The following TSPAN9 variants were observed in gnomAD, a reference collection of about 807,000 sequenced individuals.
TSPAN9 encodes tetraspanin-9.
TSPAN9 carries 16 observed loss-of-function variants against 31.0 expected under a neutral mutation model. The observed-to-expected ratio is 0.52, with a 90% CI of 0.35 to 0.78. TSPAN9 has a LOEUF of 0.78. Ranked by LOEUF, TSPAN9 falls within the 30% of genes least tolerant of loss-of-function variation. The pLI, the probability that TSPAN9 is intolerant of heterozygous loss-of-function variation, is 0.01. For synonymous variants in TSPAN9, 145 were observed against 121.6 expected (o/e 1.19, Z -1.27); for missense variants, 272 against 312.5 (o/e 0.87, Z 0.98).
intron 3 of TSPAN9, among the ~76,000 whole-genome samples, chr12:3,211,364 C>A (rs1233883520): frequency 2.6e-5 from 4 of 152,170 alleles, no homozygotes; most frequent in Non-Finnish European, 4.4e-5. Context: ...GTCTTCATTA[C>A]TACAACTTTA....
At chr12:3,150,130 G>T (rs1436258154) in intron 2 of TSPAN9, among the ~76,000 whole-genome samples, 5 of 152,242 alleles carry the variant, frequency 3.3e-5, no homozygotes, top group African/African-American at 1.2e-4. Flanking sequence ...AGCATGAAAG[G>T]TGAGGTGTGG....
At chr12:3,095,643 C>T (rs1319323327) in intron 2 of TSPAN9, among the ~76,000 whole-genome samples, 1 of 144,390 alleles carries the variant, frequency 6.9e-6, no homozygotes, top group Non-Finnish European at 1.5e-5. Context: ...CCCCCCCCAC[C>T]TCCCTCCCGG....
chr12:3,089,446 G>A (rs895272955), intron 2 of TSPAN9, among the ~76,000 whole-genome samples: 1 of 150,708 alleles, frequency 6.6e-6, no homozygotes, highest in Non-Finnish European at 1.5e-5. Flanking sequence ...ACAGGCATGT[G>A]CCACCACGCC....
chr12:3,247,261 G>T (rs930499340), intron 3 of TSPAN9, among the ~76,000 whole-genome samples: 2 of 151,168 alleles, frequency 1.3e-5, no homozygotes, highest in South Asian at 2.1e-4. Context: ...GAGGAGCTGC[G>T]GTGACAGCTG....
At chr12:3,101,445 C>G (rs1340841541) in intron 2 of TSPAN9, among the ~76,000 whole-genome samples, 3 of 152,114 alleles carry the variant, frequency 2.0e-5, no homozygotes, top group African/African-American at 7.2e-5. Flanking sequence ...TGAGATATCT[C>G]TTAGATGCCA....
intron 3 of TSPAN9, among the ~76,000 whole-genome samples, chr12:3,244,810 C>T (rs1289292840): frequency 6.6e-6 from 1 of 152,136 alleles, no homozygotes; most frequent in African/African-American, 2.4e-5. Flanking sequence ...CTGCCCCAGC[C>T]AGGTTCGGTG....
chr12:3,223,213 T>G (rs1292860088), intron 3 of TSPAN9, among the ~76,000 whole-genome samples: 1 of 152,214 alleles, frequency 6.6e-6, no homozygotes, highest in Non-Finnish European at 1.5e-5. Context: ...TTGGATGACA[T>G]TAACATGAGA....
At chr12:3,194,117 C>T (rs2098365925) in intron 2 of TSPAN9, among the ~76,000 whole-genome samples, 1 of 152,194 alleles carries the variant, frequency 6.6e-6, no homozygotes, top group Non-Finnish European at 1.5e-5. Flanking sequence ...CTGCCTTTCC[C>T]CTCCGTCCTC....
chr12:3,080,628 G>C (rs545967592), intron 1 of TSPAN9, among the ~76,000 whole-genome samples: 1 of 152,254 alleles, frequency 6.6e-6, no homozygotes, highest in East Asian at 1.9e-4. Context: ...GAGCCACCGC[G>C]CCTGGCAAAT....
At chr12:3,145,190 GCCCTC>G (rs1444663489) in intron 2 of TSPAN9, among the ~76,000 whole-genome samples, 1 of 152,162 alleles carries the variant, frequency 6.6e-6, no homozygotes, top group African/African-American at 2.4e-5. Flanking sequence ...GGACCGTGAG[GCCCTC>G]CGGTCAGGAC....
At chr12:3,243,966 G>A (rs150983334) in intron 3 of TSPAN9, among the ~76,000 whole-genome samples, 266 of 152,300 alleles carry the variant, frequency 1.7e-3, no homozygotes, top group Middle Eastern at 3.4e-3. Flanking sequence ...GGGCTTACCC[G>A]CAGGGTCTTG....
intron 2 of TSPAN9, among the ~76,000 whole-genome samples, chr12:3,175,781 A>G (rs930639782): frequency 7.9e-5 from 12 of 152,178 alleles, no homozygotes; most frequent in Admixed American, 3.9e-4. Context: ...TGGGACCGGC[A>G]TCGCACCACT....
intron 2 of TSPAN9, among the ~76,000 whole-genome samples, chr12:3,156,242 G>A (rs965421830): frequency 6.6e-6 from 1 of 152,122 alleles, no homozygotes; most frequent in Non-Finnish European, 1.5e-5. Context: ...CTGAAGACCC[G>A]GAAGGTTGTG....
rs951007451 is a variant in TSPAN9 at position 3,251,321 on chromosome 12, G to A, written c.64-27100G>A. Among the ~76,000 whole-genome samples the A allele has an allele frequency of 3.9e-5, 6 of 152,096 alleles. No homozygotes were observed. In the East Asian group the frequency reaches 5.8e-4, roughly 15 times the overall value. On this transcript the variant is annotated intron_variant, in intron 3 of 8. Transcript: ENST00000011898. The stretch of plus-strand genomic sequence containing the variant: ...GCTGCCCCGGTGATGAAATCCCCTC[G>A]CATTGGTGGCATCCTCCCTGGTGGA...
At chr12:3,274,681 C>A (rs536350641) in intron 3 of TSPAN9, among the ~76,000 whole-genome samples, 1 of 152,336 alleles carries the variant, frequency 6.6e-6, no homozygotes, top group East Asian at 1.9e-4. Context: ...AAAATCGAGG[C>A]GTGACCTTTG....
At chr12:3,112,456 A>G (rs1565579962) in intron 2 of TSPAN9, among the ~76,000 whole-genome samples, 1 of 151,888 alleles carries the variant, frequency 6.6e-6, no homozygotes, top group Non-Finnish European at 1.5e-5. Context: ...GATTACAGGC[A>G]TAAGCCACCG....
intron 3 of TSPAN9, among the ~76,000 whole-genome samples, chr12:3,209,099 G>A (rs2098376906): frequency 6.6e-6 from 1 of 152,088 alleles, no homozygotes; most frequent in African/African-American, 2.4e-5. Flanking sequence ...GTCGGGTGTG[G>A]TGGCGGGTGC....
chr12:3,127,189 C>G (rs533967820), intron 2 of TSPAN9, among the ~76,000 whole-genome samples: 23 of 151,618 alleles, frequency 1.5e-4, no homozygotes, highest in Non-Finnish European at 2.8e-4. Flanking sequence ...TCACTTGAGC[C>G]CAGGAGTTGG....
intron 2 of TSPAN9, among the ~76,000 whole-genome samples, chr12:3,098,709 T>G (rs1006454682): frequency 6.6e-6 from 1 of 152,138 alleles, no homozygotes; most frequent in African/African-American, 2.4e-5. Context: ...CTACCTTGCT[T>G]GAAATGCTTC....
Sources: gnomAD v4.1 joint callset for allele counts (sites outside exome capture counted in the v4.1 genomes callset) on GRCh38, gnomAD v4.1.1 for gene constraint, MANE v1.5 for transcripts, NCBI Gene and HGNC (gene_info 2026-07-23, HGNC 2026-07-21) for gene names.